ZNF516: variants seen among roughly 807,000 people sequenced by gnomAD.
ZNF516 encodes the protein zinc finger protein 516.
ZNF516 carries 19 observed loss-of-function variants against 79.7 expected under a neutral mutation model. That is an observed-to-expected ratio of 0.24 (90% CI 0.17 to 0.35). The LOEUF is 0.35. ZNF516 is among the 10% of genes least tolerant of loss of function. ZNF516 has a pLI of 1.00. For synonymous variants in ZNF516, 877 were observed against 739.5 expected (o/e 1.19, Z -3.02); for missense variants, 1,678 against 1,679.5 (o/e 1.00, Z 0.02).
chr18:76,369,265 C>G lies in ZNF516; in HGVS notation c.3432+1263G>C, dbSNP rs148455033. On this transcript the variant is annotated intron_variant, in intron 6 of 6. Coordinates refer to ENST00000443185, the MANE Select transcript of ZNF516 (RefSeq NM_014643.4). ...AGCAAGATGTTTTACTTACTTATTT[C>G]GTAAGTTGTCATAGTATTGGGTAAC... 6.3e-4 allele frequency among the ~76,000 whole-genome samples: 96 copies of G among 152,262 alleles called. 1 individual carries two copies. Among genetic ancestry groups the G allele is most frequent in the Middle Eastern group, 6.8e-3 (2 of 294 alleles).
In ZNF516 at chr18:76,493,795, T is replaced by C. The variant is rs1236776035; in HGVS notation, c.-272+1349A>G. 3.3e-5 allele frequency: 5 copies of C among 152,232 alleles called. No homozygotes were observed. The highest frequency in any genetic ancestry group is 5.9e-5 in the Non-Finnish European group (4 of 68,036). 9.4% of individuals were successfully genotyped at this position (152,232 alleles called of 1,614,324 possible). A position where few individuals can be genotyped will look rare whatever the true frequency, so the allele number is the denominator to read the frequency against. ...TGCCTCTACTCCCACAGGCTCTTAT[T>C]TGCATTTCAAATTCCACAGGTTACA... On this transcript the variant is annotated intron_variant, in intron 1 of 6. Coordinates refer to ENST00000443185, the MANE Select transcript of ZNF516 (RefSeq NM_014643.4). The surrounding 1 kb of genome is among the most constrained non-coding windows in gnomAD (Gnocchi z 5.2).
At chr18:76,401,772 CT>C (rs1599186638) in intron 3 of ZNF516, among the ~76,000 whole-genome samples, 3 of 374 alleles carry the variant, frequency 8.0e-3, no homozygotes, top group Admixed American at 0.05. Flanking sequence ...CGCGCTCCAT[CT>C]CTCCACCAAC....
chr18:76,469,249 C>T (rs1475123798), intron 1 of ZNF516, among the ~76,000 whole-genome samples: 1 of 152,094 alleles, frequency 6.6e-6, no homozygotes, highest in Admixed American at 6.5e-5. Context: ...AATCACCAGT[C>T]CAAAATTACA....
At chr18:76,471,256 A>C (rs1466361032) in intron 1 of ZNF516, among the ~76,000 whole-genome samples, 1 of 132,540 alleles carries the variant, frequency 7.5e-6, no homozygotes, top group Middle Eastern at 3.9e-3. Context: ...CTCCACACGG[A>C]AAAAAAAAAA....
intron 3 of ZNF516, among the ~76,000 whole-genome samples, chr18:76,427,431 G>A (rs2075610121): frequency 6.6e-6 from 1 of 152,136 alleles, no homozygotes; most frequent in Non-Finnish European, 1.5e-5. Flanking sequence ...TCAACTGACT[G>A]TTGAATAAAT....
At chr18:76,427,663 A>G (rs1468437299) in intron 3 of ZNF516, among the ~76,000 whole-genome samples, 1 of 152,252 alleles carries the variant, frequency 6.6e-6, no homozygotes, top group Non-Finnish European at 1.5e-5. Context: ...AACCTCTACA[A>G]TAAAAGACTT....
chr18:76,398,082 CAT>C (rs1568258510), intron 3 of ZNF516, among the ~76,000 whole-genome samples: 1 of 152,232 alleles, frequency 6.6e-6, no homozygotes, highest in African/African-American at 2.4e-5. Flanking sequence ...CGGCATAAAA[CAT>C]AATCAGGTTC....
chr18:76,386,775 A>G (rs2074998657), intron 3 of ZNF516: 1 of 152,214 alleles, frequency 6.6e-6, no homozygotes, highest in South Asian at 2.1e-4. Flanking sequence ...GGACTTTTCA[A>G]GATTTTCCAG....
chr18:76,370,237 T>C (rs1488846584), intron 6 of ZNF516, among the ~76,000 whole-genome samples: 2 of 151,960 alleles, frequency 1.3e-5, no homozygotes, highest in African/African-American at 2.4e-5. Flanking sequence ...AAAAACTGAG[T>C]TTCTAGTGTT....
chr18:76,433,817 G>A (rs1265016995), intron 3 of ZNF516, among the ~76,000 whole-genome samples: 1 of 152,162 alleles, frequency 6.6e-6, no homozygotes, highest in Admixed American at 6.5e-5. Flanking sequence ...ACCAACACAG[G>A]CAGGTGCAGA....
chr18:76,406,287 C>T (rs2075303679), intron 3 of ZNF516, among the ~76,000 whole-genome samples: 3 of 152,202 alleles, frequency 2.0e-5, no homozygotes, highest in South Asian at 2.1e-4. Flanking sequence ...AAAACAAGGC[C>T]GGGCGCGGTG....
At chr18:76,485,988 G>T (rs1367215393) in intron 1 of ZNF516, among the ~76,000 whole-genome samples, 1 of 151,890 alleles carries the variant, frequency 6.6e-6, no homozygotes, top group Non-Finnish European at 1.5e-5. Flanking sequence ...ACTAAACAGT[G>T]AATCTTCTCT....
At chr18:76,490,726 G>A (rs948677883) in intron 1 of ZNF516, 122 of 975,262 alleles carry the variant, frequency 1.3e-4, no homozygotes, top group Middle Eastern at 5.2e-4. Flanking sequence ...CGGGGGCAAT[G>A]CCTTTCTGCT....
rs533591171 is a variant in ZNF516, at chr18:76,385,100, C to T, written c.1811-4797G>A. Reference sequence around the variant, plus strand: ...GAGCAGCCCTAGAGAAGGCGCACGTCGCTCCCAACCCCACGAGTGTGCACA... The same window carrying T: ...GAGCAGCCCTAGAGAAGGCGCACGTTGCTCCCAACCCCACGAGTGTGCACA... On this transcript the variant is annotated intron_variant, in intron 3 of 6. Coordinates refer to ENST00000443185, the MANE Select transcript of ZNF516 (RefSeq NM_014643.4). Among the ~76,000 whole-genome samples, 41 of 152,348 alleles carry T rather than the reference C, an allele frequency of 2.7e-4. 1 individual carries two copies. Among genetic ancestry groups the T allele is most frequent in the African/African-American group, 7.2e-4 (30 of 41,594 alleles).
chr18:76,413,474 T>C (rs2075396643), intron 3 of ZNF516, among the ~76,000 whole-genome samples: 1 of 152,116 alleles, frequency 6.6e-6, no homozygotes. Context: ...GAGAAAAGGA[T>C]CCAGGTTTCC....
At chr18:76,486,625 G>C (rs749776211) in intron 1 of ZNF516, among the ~76,000 whole-genome samples, 1 of 151,426 alleles carries the variant, frequency 6.6e-6, no homozygotes, top group Non-Finnish European at 1.5e-5. Context: ...TATCCTGGAG[G>C]CTGAGCCAGC....
intron 2 of ZNF516, among the ~76,000 whole-genome samples, chr18:76,456,015 A>C (rs891386843): frequency 6.6e-6 from 1 of 152,178 alleles, no homozygotes; most frequent in Non-Finnish European, 1.5e-5. Context: ...ATCCTCAAAC[A>C]GTCAGGTATC....
intron 4 of ZNF516, among the ~76,000 whole-genome samples, chr18:76,375,414 T>C (rs1419924462): frequency 1.3e-5 from 2 of 148,172 alleles, no homozygotes; most frequent in African/African-American, 2.5e-5. Context: ...AGGTAGACAA[T>C]GGATGGGGAA....
rs865943392 is a variant in ZNF516 at position 76,360,644 on chromosome 18, A to T, written c.*1854T>A. On this transcript the variant is annotated 3_prime_UTR_variant, in exon 7 of 7. Coordinates refer to ENST00000443185, the MANE Select transcript of ZNF516 (RefSeq NM_014643.4). ...AGAAAAAAATAAGTAAAAAAAAAAA[A>T]AAATATATATATATATATATATATA... is the stretch of plus-strand genomic sequence containing the variant. 0.013 allele frequency: 1,349 copies of T among 101,312 alleles called. 13 individuals carry two copies. The highest frequency in any genetic ancestry group is 0.019 in the Non-Finnish European group (890 of 47,246). 6.3% of individuals were successfully genotyped at this position (101,312 alleles called of 1,614,324 possible). A position where few individuals can be genotyped will look rare whatever the true frequency, so the allele number is the denominator to read the frequency against.
Sources: allele counts gnomAD v4.1 joint callset (sites outside exome capture counted in the v4.1 genomes callset), GRCh38; gene constraint gnomAD v4.1.1; non-coding constraint Gnocchi (gnomAD v3.1); transcripts MANE v1.5; gene names NCBI Gene and HGNC (gene_info 2026-07-23, HGNC 2026-07-21).